PPA2: variants seen among roughly 807,000 people sequenced by gnomAD.
PPA2 encodes inorganic pyrophosphatase 2, mitochondrial.
PPA2 carries 48 observed loss-of-function variants against 49.5 expected under a neutral mutation model. That is an observed-to-expected ratio of 0.97 (90% confidence interval 0.77 to 1.23). The LOEUF (loss-of-function observed/expected upper bound fraction) is 1.23. Among genes scored for constraint, PPA2 ranks in the 50% most tolerant of loss-of-function variants. The probability of loss-of-function intolerance (pLI) is 0.00; values close to 1 mark genes in which losing one functional copy is unlikely to be tolerated. For missense variants in PPA2, 429 were observed against 410.1 expected (o/e 1.05, Z -0.40); for synonymous variants, 131 against 139.9 (o/e 0.94, Z 0.45).
At chr4:105,393,667 C>T (rs1734019082) in intron 9 of PPA2, among the ~76,000 whole-genome samples, 1 of 151,818 alleles carries the variant, frequency 6.6e-6, no homozygotes, top group South Asian at 2.1e-4. Context: ...TCTGAGTTCT[C>T]TAACAATTTC....
At position 105,396,229 on chromosome 4, in the gene PPA2, T is replaced by C. The variant is rs1323423641; in HGVS notation, c.869+20A>G. ...ACCAATTAATATAACATTACTTACA[T>C]AGAAAAGACAAATTCTTACCAATTT... On this transcript the variant is annotated intron_variant, in intron 9 of 11. Transcript: ENST00000341695. 10 of 1,471,946 alleles carry C rather than the reference T, an allele frequency of 6.8e-6. No individual in the cohort carries two copies. The highest frequency in any genetic ancestry group is 4.2e-5 in the African/African-American group (3 of 71,722). 91.2% of individuals were successfully genotyped at this position (1,471,946 alleles called of 1,614,324 possible).
intron 10 of PPA2, among the ~76,000 whole-genome samples, chr4:105,383,438 C>T (rs956938381): frequency 6.6e-6 from 1 of 152,114 alleles, no homozygotes; most frequent in Non-Finnish European, 1.5e-5. Context: ...TGTTGGATGA[C>T]TAACAATTTG....
chr4:105,423,682 T>G (rs997488982), intron 7 of PPA2, among the ~76,000 whole-genome samples: 6 of 152,168 alleles, frequency 3.9e-5, no homozygotes, highest in African/African-American at 1.4e-4. Context: ...AACTTAAAAT[T>G]TCTAGGACAT....
chr4:105,468,079 G>T (rs1373130286), intron 1 of PPA2, among the ~76,000 whole-genome samples: 1 of 152,160 alleles, frequency 6.6e-6, no homozygotes, highest in East Asian at 1.9e-4. Context: ...ACATGGCCTG[G>T]TTTTATTTTT....
chr4:105,427,805 C>A (rs1578851172), intron 6 of PPA2, among the ~76,000 whole-genome samples: 1 of 152,140 alleles, frequency 6.6e-6, no homozygotes, highest in South Asian at 2.1e-4. Flanking sequence ...ACTTCCCCAA[C>A]CTAGCAAGGC....
intron 1 of PPA2, among the ~76,000 whole-genome samples, chr4:105,471,550 C>G (rs1048518): frequency 0.27 from 40,816 of 152,004 alleles, 7,667 homozygotes; most frequent in African/African-American, 0.54. Context: ...AATTTTAGGC[C>G]AAGTATACTA....
At chr4:105,458,416 G>A (rs532524538) in intron 1 of PPA2, among the ~76,000 whole-genome samples, 84 of 152,252 alleles carry the variant, frequency 5.5e-4, no homozygotes, top group Non-Finnish European at 8.5e-4. Flanking sequence ...ACTGGGGTGC[G>A]GAGTATGCTG....
intron 6 of PPA2, among the ~76,000 whole-genome samples, chr4:105,430,155 G>T (rs1157517547): frequency 6.6e-6 from 1 of 152,180 alleles, no homozygotes; most frequent in African/African-American, 2.4e-5. Context: ...AACAAGGTAT[G>T]TAGAAAAAAG....
chr4:105,395,335 G>A (rs1734094045), intron 9 of PPA2, among the ~76,000 whole-genome samples: 1 of 139,250 alleles, frequency 7.2e-6, no homozygotes, highest in East Asian at 2.6e-4. Context: ...TGCTCAGAGA[G>A]CACAGGGACT....
intron 10 of PPA2, among the ~76,000 whole-genome samples, chr4:105,372,806 C>G (rs1430308356): frequency 6.6e-6 from 1 of 152,184 alleles, no homozygotes; most frequent in Admixed American, 6.5e-5. Flanking sequence ...TAATAAATCT[C>G]TTTCTGTATA....
At chr4:105,472,744 T>C (rs1266857223) in intron 1 of PPA2, among the ~76,000 whole-genome samples, 2 of 152,198 alleles carry the variant, frequency 1.3e-5, no homozygotes, top group African/African-American at 2.4e-5. Flanking sequence ...CAAACTCTTC[T>C]TTCCCACAAA....
intron 8 of PPA2, among the ~76,000 whole-genome samples, chr4:105,398,051 A>G (rs1734214876): frequency 1.3e-5 from 2 of 151,184 alleles, no homozygotes; most frequent in Admixed American, 1.3e-4. Context: ...CCTCATCTTT[A>G]TACAGAAAAG....
chr4:105,460,856 C>CATAT (rs1491341057), intron 1 of PPA2, among the ~76,000 whole-genome samples: 1 of 139,200 alleles, frequency 7.2e-6, no homozygotes, highest in Admixed American at 6.9e-5. Flanking sequence ...GATGTAAGAT[C>CATAT]ACATATATAT....
chr4:105,375,547 T>G (rs1270449889), intron 10 of PPA2, among the ~76,000 whole-genome samples: 1 of 152,144 alleles, frequency 6.6e-6, no homozygotes, highest in African/African-American at 2.4e-5. Flanking sequence ...TCCTCTTTGA[T>G]GGAGATACAG....
At chr4:105,406,114 CA>C (rs35468715) in intron 7 of PPA2, among the ~76,000 whole-genome samples, 1,203 of 97,538 alleles carry the variant, frequency 0.012, 12 homozygotes, top group Non-Finnish European at 0.019. Flanking sequence ...TATAAAACTT[CA>C]AAAAAAAAAA....
intron 7 of PPA2, among the ~76,000 whole-genome samples, chr4:105,415,602 T>G (rs938909962): frequency 1.3e-5 from 2 of 151,870 alleles, no homozygotes; most frequent in African/African-American, 4.8e-5. Context: ...TCCACAGCTG[T>G]GGCTGTGTGG....
At chr4:105,458,604 C>T (rs1010158142) in intron 1 of PPA2, among the ~76,000 whole-genome samples, 2 of 151,892 alleles carry the variant, frequency 1.3e-5, no homozygotes, top group Non-Finnish European at 2.9e-5. Flanking sequence ...GGAGGATCAC[C>T]TGAGGTCAGG....
At chr4:105,394,475 T>A (rs1338757020) in intron 9 of PPA2, among the ~76,000 whole-genome samples, 1 of 152,020 alleles carries the variant, frequency 6.6e-6, no homozygotes, top group Non-Finnish European at 1.5e-5. Flanking sequence ...AATCTTTATG[T>A]GGACTCAATT....
chr4:105,454,431 C>T (rs1451925389), intron 2 of PPA2, among the ~76,000 whole-genome samples: 1 of 151,858 alleles, frequency 6.6e-6, no homozygotes, highest in African/African-American at 2.4e-5. Flanking sequence ...CCTGGGTTCA[C>T]GCCATTCTCC....
Sources: gnomAD v4.1 joint callset for allele counts (sites outside exome capture counted in the v4.1 genomes callset) on GRCh38, gnomAD v4.1.1 for gene constraint, MANE v1.5 for transcripts, NCBI Gene and HGNC (gene_info 2026-07-23, HGNC 2026-07-21) for gene names.